Variants in VWC2 observed in about 807,000 individuals in gnomAD.
VWC2 encodes brorin.
Under a neutral mutation model 29.8 loss-of-function variants are expected in VWC2, and 14 were observed. That is an observed-to-expected ratio of 0.47 (90% CI 0.31 to 0.74). VWC2 has a LOEUF of 0.74. Among genes scored for constraint, VWC2 ranks in the 30% least tolerant of loss-of-function variants. The pLI is 0.05. For missense variants in VWC2, 457 were observed against 459.8 expected (o/e 0.99, Z 0.05); for synonymous variants, 213 against 199.0 (o/e 1.07, Z -0.59).
intron 3 of VWC2, among the ~76,000 whole-genome samples, chr7:49,875,769 CCA>C (rs1367249366): frequency 3.9e-5 from 6 of 152,076 alleles, no homozygotes; most frequent in African/African-American, 1.4e-4. Context: ...TAAAACAATG[CCA>C]TAGTAGTGCA....
chr7:49,877,481 A>AAAAT, intron 3 of VWC2, among the ~76,000 whole-genome samples: 1 of 12,722 alleles, frequency 7.9e-5, no homozygotes, highest in Non-Finnish European at 1.4e-4. Flanking sequence ...AAAAAAAAAA[A>AAAAT]ATATATATAT....
At chr7:49,872,740 T>C (rs1437440660) in intron 3 of VWC2, among the ~76,000 whole-genome samples, 3 of 81,562 alleles carry the variant, frequency 3.7e-5, no homozygotes, top group Admixed American at 2.5e-4. Flanking sequence ...ACCCCGTCTC[T>C]ACAAAAAATA....
At chr7:49,894,207 T>C (rs908281729) in intron 3 of VWC2, among the ~76,000 whole-genome samples, 36 of 152,202 alleles carry the variant, frequency 2.4e-4, no homozygotes, top group Non-Finnish European at 5.1e-4. Flanking sequence ...TCCAGGCTGG[T>C]GTGCAGTAGC....
intron 2 of VWC2, among the ~76,000 whole-genome samples, chr7:49,779,087 C>G (rs537888059): frequency 6.6e-6 from 1 of 152,010 alleles, no homozygotes; most frequent in East Asian, 1.9e-4. Flanking sequence ...GGGGAAATTA[C>G]TAGTTATTGA....
At chr7:49,888,402 G>A (rs1280451590) in intron 3 of VWC2, among the ~76,000 whole-genome samples, 1 of 152,114 alleles carries the variant, frequency 6.6e-6, no homozygotes, top group Non-Finnish European at 1.5e-5. Context: ...GTATGGTATA[G>A]AGCTACAAAA....
intron 3 of VWC2, among the ~76,000 whole-genome samples, chr7:49,816,026 G>A (rs1219558658): frequency 6.6e-6 from 1 of 152,162 alleles, no homozygotes; most frequent in Non-Finnish European, 1.5e-5. Flanking sequence ...CATGGAATGG[G>A]AGAAGAAGAG....
At chr7:49,883,172 T>C (rs1194858951) in intron 3 of VWC2, among the ~76,000 whole-genome samples, 1 of 151,946 alleles carries the variant, frequency 6.6e-6, no homozygotes, top group Non-Finnish European at 1.5e-5. Context: ...TTTATGCAGG[T>C]TTGAGCTTGA....
intron 3 of VWC2, among the ~76,000 whole-genome samples, chr7:49,887,404 T>C (rs558612716): frequency 1.4e-4 from 22 of 152,358 alleles, no homozygotes; most frequent in African/African-American, 5.0e-4. Flanking sequence ...GACAAAGATA[T>C]TGACATCACT....
intron 3 of VWC2, among the ~76,000 whole-genome samples, chr7:49,835,738 G>A (rs985283464): frequency 1.3e-5 from 2 of 152,202 alleles, no homozygotes; most frequent in Middle Eastern, 3.2e-3. Flanking sequence ...GCAGCATTGT[G>A]TTAAAGCAAT....
At chr7:49,854,577 A>G (rs1399180743) in intron 3 of VWC2, among the ~76,000 whole-genome samples, 1 of 152,128 alleles carries the variant, frequency 6.6e-6, no homozygotes, top group Non-Finnish European at 1.5e-5. Context: ...TTTGTCTTGT[A>G]AATTTGTTTG....
intron 3 of VWC2, among the ~76,000 whole-genome samples, chr7:49,880,856 A>G (rs957181972): frequency 2.6e-5 from 4 of 152,140 alleles, no homozygotes; most frequent in Non-Finnish European, 5.9e-5. Context: ...TGCCTATGAC[A>G]TGGAATACTG....
chr7:49,859,404 C>A (rs566982692), intron 3 of VWC2, among the ~76,000 whole-genome samples: 1 of 152,164 alleles, frequency 6.6e-6, no homozygotes, highest in African/African-American at 2.4e-5. Context: ...GTTTTAAATT[C>A]TTTAAATTTT....
intron 3 of VWC2, among the ~76,000 whole-genome samples, chr7:49,887,862 C>G (rs1791966717): frequency 6.6e-6 from 1 of 152,244 alleles, no homozygotes; most frequent in South Asian, 2.1e-4. Context: ...GCCTACTGCA[C>G]TTAACCACCA....
chr7:49,842,435 G>C (rs965105808), intron 3 of VWC2, among the ~76,000 whole-genome samples: 12 of 152,144 alleles, frequency 7.9e-5, no homozygotes, highest in African/African-American at 2.7e-4. Flanking sequence ...ACTGAAGTCA[G>C]TATAGGGGAG....
chr7:49,848,918 T>A (rs1464457027), intron 3 of VWC2, among the ~76,000 whole-genome samples: 1 of 152,236 alleles, frequency 6.6e-6, no homozygotes, highest in African/African-American at 2.4e-5. Flanking sequence ...TTTTCAGAAT[T>A]TCCTAGTCTC....
intron 3 of VWC2, among the ~76,000 whole-genome samples, chr7:49,894,872 G>A (rs1029626930): frequency 1.3e-5 from 2 of 152,208 alleles, no homozygotes; most frequent in African/African-American, 2.4e-5. Flanking sequence ...GAGTGTGCTG[G>A]CAACTAGGGC....
chr7:49,850,869 C>T (rs914043335), intron 3 of VWC2, among the ~76,000 whole-genome samples: 25 of 152,162 alleles, frequency 1.6e-4, no homozygotes, highest in African/African-American at 5.6e-4. Flanking sequence ...TAGTGGACAC[C>T]GCACCTCAGG....
At chr7:49,861,156 C>T (rs1484545460) in intron 3 of VWC2, among the ~76,000 whole-genome samples, 2 of 152,178 alleles carry the variant, frequency 1.3e-5, no homozygotes, top group African/African-American at 4.8e-5. Context: ...ACATCCTCAC[C>T]AACAGTTGTT....
chr7:49,784,798 A>G (rs1400958438), intron 2 of VWC2, among the ~76,000 whole-genome samples: 1 of 152,204 alleles, frequency 6.6e-6, no homozygotes, highest in Non-Finnish European at 1.5e-5. Context: ...TCTGATCTAA[A>G]CAAACACACA....
Sources: allele counts gnomAD v4.1 joint callset (sites outside exome capture counted in the v4.1 genomes callset), GRCh38; gene constraint gnomAD v4.1.1; transcripts MANE v1.5; gene names NCBI Gene and HGNC (gene_info 2026-07-23, HGNC 2026-07-21).